The following OSBP2 variants were observed in gnomAD, a reference collection of about 807,000 sequenced individuals.
The protein encoded by OSBP2 is oxysterol-binding protein 2.
Under a neutral mutation model 96.0 loss-of-function variants are expected in OSBP2, and 66 were observed. The observed-to-expected ratio is 0.69, with a 90% confidence interval of 0.56 to 0.84. OSBP2 has a LOEUF of 0.84. OSBP2 is among the 40% of genes least tolerant of loss of function. The pLI is 0.00. For synonymous variants in OSBP2, 525 were observed against 520.9 expected (o/e 1.01, Z -0.11); for missense variants, 1,038 against 1,222.7 (o/e 0.85, Z 2.25).
chr22:30,694,918 AGCGGCGGCTCCGAGCCGAG>A lies in OSBP2; in HGVS notation c.19_37del (p.Pro7ValfsTer27). 7.0e-7 allele frequency: 1 copy of A among 1,430,776 alleles called. No individual in the cohort carries two copies. The highest frequency in any genetic ancestry group is 9.1e-7 in the Non-Finnish European group (1 of 1,097,716). 88.6% of individuals were successfully genotyped at this position (1,430,776 alleles called of 1,614,324 possible). On this transcript the variant is annotated frameshift_variant, in exon 1 of 14. Coordinates refer to ENST00000332585, the MANE Select transcript of OSBP2 (RefSeq NM_030758.4). LOFTEE classifies it high-confidence loss of function. ...GCGGGTCGGCCGGCTCTATGGGGAA[AGCGGCGGCTCCGAGCCGAG>A]GCGGCGGCTGTGGCGGCCGCTCCCG...
In OSBP2 at chr22:30,776,130, A is replaced by C. The variant is rs201410111; in HGVS notation, c.853+34761A>C. 6.7e-3 allele frequency among the ~76,000 whole-genome samples: 722 copies of C among 108,210 alleles called. 8 individuals carry two copies. The highest frequency in any genetic ancestry group is 0.025 in the African/African-American group (695 of 28,050). The allele number at this position is 108,210 out of a possible 152,430, so 71.0% of individuals were successfully genotyped here. A position where few individuals can be genotyped will look rare whatever the true frequency, so the allele number is the denominator to read the frequency against. Reference sequence around the variant, plus strand: ...TTTTTCTTTTCTTTTTTTTTTTTTTATTTTTCTTTTCTTGAGACAGGGTCT... The same window carrying C: ...TTTTTCTTTTCTTTTTTTTTTTTTTCTTTTTCTTTTCTTGAGACAGGGTCT... On this transcript the variant is annotated intron_variant, in intron 2 of 13. Transcript: ENST00000332585.
intron 2 of OSBP2, among the ~76,000 whole-genome samples, chr22:30,835,230 T>G (rs1204834515): frequency 6.6e-6 from 1 of 152,212 alleles, no homozygotes; most frequent in Non-Finnish European, 1.5e-5. Context: ...CTAATCCAAA[T>G]TCAAGAAGAT....
intron 2 of OSBP2, among the ~76,000 whole-genome samples, chr22:30,847,687 G>GT (rs1053051285): frequency 7.0e-4 from 106 of 151,986 alleles, no homozygotes; most frequent in Non-Finnish European, 1.1e-3. Context: ...GACTCCTCAG[G>GT]TTTTTTTTAT....
intron 3 of OSBP2, among the ~76,000 whole-genome samples, chr22:30,876,849 C>G (rs1008294271): frequency 3.3e-5 from 5 of 152,182 alleles, no homozygotes; most frequent in African/African-American, 9.7e-5. Flanking sequence ...AAGCCCATAC[C>G]TTCCTGATTC....
intron 1 of OSBP2, among the ~76,000 whole-genome samples, chr22:30,711,003 C>A (rs1300519237): frequency 6.6e-6 from 1 of 152,198 alleles, no homozygotes; most frequent in Non-Finnish European, 1.5e-5. Context: ...CCTCGGCCTC[C>A]CAAAGTGCTG....
intron 2 of OSBP2, among the ~76,000 whole-genome samples, chr22:30,795,844 T>C (rs2090753012): frequency 6.6e-6 from 1 of 152,262 alleles, no homozygotes. Context: ...GCTTCAGATA[T>C]GTTTTTAAAT....
chr22:30,887,088 A>T (rs898846709), intron 3 of OSBP2, among the ~76,000 whole-genome samples: 5 of 152,186 alleles, frequency 3.3e-5, no homozygotes, highest in African/African-American at 1.2e-4. Flanking sequence ...ATAGAGGATG[A>T]CTTCCTGATG....
chr22:30,701,350 T>C (rs1219384387), intron 1 of OSBP2, among the ~76,000 whole-genome samples: 4 of 148,258 alleles, frequency 2.7e-5, no homozygotes, highest in African/African-American at 4.9e-5. Context: ...TTTTCTTTTT[T>C]TTTTTTTTTT....
chr22:30,712,944 G>C (rs180970831), intron 1 of OSBP2, among the ~76,000 whole-genome samples: 82 of 152,118 alleles, frequency 5.4e-4, no homozygotes, highest in Non-Finnish European at 8.8e-4. Context: ...GTCTTACTCT[G>C]TCACCTAGGC....
At position 30,881,835 on chromosome 22, in the gene OSBP2, G is replaced by T; in HGVS notation, c.1108-5591G>T. ...CATCCGGGCTGGGGGAGGTGGACGG[G>T]CTCTCTGCATCCATGGGGTGACCAG... On this transcript the variant is annotated intron_variant, in intron 3 of 13. Coordinates refer to ENST00000332585, the MANE Select transcript of OSBP2 (RefSeq NM_030758.4). The surrounding 1 kb of genome is among the most constrained non-coding windows in gnomAD (Gnocchi z 4.5). 1 of 1,303,234 alleles carries T rather than the reference G, an allele frequency of 7.7e-7. No individual in the cohort carries two copies. The highest frequency in any genetic ancestry group is 1.2e-5 in the South Asian group (1 of 80,990). 80.7% of individuals were successfully genotyped at this position (1,303,234 alleles called of 1,614,324 possible).
At chr22:30,885,620 G>A (rs549833070) in intron 3 of OSBP2, among the ~76,000 whole-genome samples, 1 of 152,380 alleles carries the variant, frequency 6.6e-6, no homozygotes, top group Admixed American at 6.5e-5. Context: ...TCTCTGAGCT[G>A]GGGAGGATAG....
At chr22:30,719,418 G>A (rs910840567) in intron 1 of OSBP2, among the ~76,000 whole-genome samples, 1 of 151,984 alleles carries the variant, frequency 6.6e-6, no homozygotes, top group Non-Finnish European at 1.5e-5. Flanking sequence ...CCCTGGAAAA[G>A]TTGCCTGGTG....
intron 2 of OSBP2, among the ~76,000 whole-genome samples, chr22:30,849,782 C>G (rs955682979): frequency 7.2e-5 from 11 of 152,074 alleles, no homozygotes; most frequent in African/African-American, 2.7e-4. Context: ...TTTTTGTGTT[C>G]TAAGAAATTT....
At chr22:30,865,970 C>T (rs996812566) in intron 2 of OSBP2, among the ~76,000 whole-genome samples, 1 of 152,114 alleles carries the variant, frequency 6.6e-6, no homozygotes, top group Non-Finnish European at 1.5e-5. Flanking sequence ...TGTGAGGCCT[C>T]GGGAGTCTCA....
chr22:30,863,890 A>G (rs1488225351), intron 2 of OSBP2, among the ~76,000 whole-genome samples: 1 of 151,850 alleles, frequency 6.6e-6, no homozygotes, highest in Non-Finnish European at 1.5e-5. Context: ...TGCTCCCCTC[A>G]GGGCCCTGCC....
intron 12 of OSBP2, among the ~76,000 whole-genome samples, chr22:30,903,462 C>T (rs1181831579): frequency 2.6e-5 from 4 of 152,224 alleles, no homozygotes; most frequent in Admixed American, 2.0e-4. Flanking sequence ...TAGGCTCACA[C>T]GAGAAACAGC....
intron 1 of OSBP2, among the ~76,000 whole-genome samples, chr22:30,734,166 G>C (rs544608714): frequency 3.2e-4 from 48 of 152,170 alleles, no homozygotes; most frequent in African/African-American, 1.2e-3. Flanking sequence ...GTAGAGACGG[G>C]GTTTCACCAT....
intron 2 of OSBP2, among the ~76,000 whole-genome samples, chr22:30,843,451 TC>T (rs932329066): frequency 1.2e-4 from 14 of 112,446 alleles, no homozygotes; most frequent in African/African-American, 3.9e-4. Context: ...CTTTCCCCCC[TC>T]CCCCTTGAGC....
intron 3 of OSBP2, among the ~76,000 whole-genome samples, chr22:30,886,906 C>T (rs5749185): frequency 0.36 from 54,808 of 151,906 alleles, 10,572 homozygotes; most frequent in East Asian, 0.66. Flanking sequence ...GAATTCAAGG[C>T]GAGTCTGCTG....
Sources: allele counts gnomAD v4.1 joint callset (sites outside exome capture counted in the v4.1 genomes callset), GRCh38; gene constraint gnomAD v4.1.1; non-coding constraint Gnocchi (gnomAD v3.1); transcripts MANE v1.5; gene names NCBI Gene and HGNC (gene_info 2026-07-23, HGNC 2026-07-21).